Variants in GLIS3 observed in about 807,000 individuals in gnomAD.
The protein encoded by GLIS3 is GLIS family zinc finger 3, also known as zinc finger protein GLIS3.
Under a neutral mutation model 78.6 loss-of-function variants are expected in GLIS3, and 53 were observed. The ratio of observed to expected loss-of-function variants is 0.67; its 90% CI spans 0.54 to 0.85. The LOEUF (loss-of-function observed/expected upper bound fraction) is 0.85. Ranked by LOEUF, GLIS3 falls within the 40% of genes least tolerant of loss-of-function variation. GLIS3 has a pLI of 0.00. For missense variants in GLIS3, 1,703 were observed against 1,231.1 expected, an observed-to-expected ratio of 1.38 and a Z score of -5.74; for synonymous variants, 684 against 509.9, an observed-to-expected ratio of 1.34 and a Z score of -4.60.
chr9:3,942,543 G>A (rs1816003906), intron 4 of GLIS3, among the ~76,000 whole-genome samples: 1 of 152,236 alleles, frequency 6.6e-6, no homozygotes, highest in Non-Finnish European at 1.5e-5. Context: ...GTAAGTGAAA[G>A]ATTACTTCTG....
At chr9:4,474,961 C>T in the GLIS3 span, among the ~76,000 whole-genome samples, 1 of 142,126 alleles carries the variant, frequency 7.0e-6, no homozygotes. Flanking sequence ...TTAAAGGAAA[C>T]TTTTCATAAA....
chr9:4,244,514 CT>C (rs1192929489), intron 2 of GLIS3, among the ~76,000 whole-genome samples: 2 of 152,040 alleles, frequency 1.3e-5, no homozygotes, highest in Non-Finnish European at 2.9e-5. Context: ...AGGTGAACTG[CT>C]TTTTTAAAAC....
chr9:3,954,469 T>C (rs1816954184), intron 4 of GLIS3, among the ~76,000 whole-genome samples: 2 of 152,312 alleles, frequency 1.3e-5, no homozygotes, highest in South Asian at 2.1e-4. Flanking sequence ...TAAAGAGAAA[T>C]GATTACAGAA....
Position 4,041,617 on chromosome 9 carries a change from T to C in GLIS3, c.1710+76151A>G, listed in dbSNP as rs190971234. Among the ~76,000 whole-genome samples, 479 of 152,320 alleles carry C rather than the reference T, an allele frequency of 3.1e-3. 1 individual carries two copies. Among genetic ancestry groups the C allele is most frequent in the African/African-American group, 0.011 (453 of 41,580 alleles). On this transcript the variant is annotated intron_variant, in intron 4 of 10. Coordinates refer to ENST00000381971, the MANE Select transcript of GLIS3 (RefSeq NM_001042413.2). ...TTTCCTAATCAGTATGGTTCTTGTT[T>C]GCCTATGCTCTGTGAGACAAAGTAA...
intron 2 of GLIS3, among the ~76,000 whole-genome samples, chr9:4,133,317 G>A (rs1833114136): frequency 6.6e-6 from 1 of 152,112 alleles, no homozygotes; most frequent in Non-Finnish European, 1.5e-5. Flanking sequence ...TGTAACTTAT[G>A]GAACAATTGT....
At chr9:4,432,165 A>G in the GLIS3 span, among the ~76,000 whole-genome samples, 1 of 152,210 alleles carries the variant, frequency 6.6e-6, no homozygotes, top group African/African-American at 2.4e-5. Flanking sequence ...TAATTTCATG[A>G]TGATTATGCT....
At chr9:3,893,309 A>C (rs1024952632) in intron 7 of GLIS3, among the ~76,000 whole-genome samples, 31 of 152,200 alleles carry the variant, frequency 2.0e-4, no homozygotes, top group African/African-American at 7.5e-4. Context: ...TGAAAAACTA[A>C]CATGAATACA....
chr9:4,257,622 G>A (rs937822995), intron 2 of GLIS3, among the ~76,000 whole-genome samples: 10 of 145,594 alleles, frequency 6.9e-5, no homozygotes, highest in African/African-American at 1.0e-4. Flanking sequence ...CGCCCAGGTT[G>A]GAGTGCACTG....
intron 4 of GLIS3, chr9:4,305,692 A>C (rs1817209885): frequency 6.6e-6 from 1 of 152,210 alleles, no homozygotes; most frequent in Admixed American, 6.5e-5. Context: ...ATAGCTTCTG[A>C]GGAAGGTAGC....
intron 6 of GLIS3, among the ~76,000 whole-genome samples, chr9:3,905,614 A>C (rs1338611660): frequency 1.3e-5 from 2 of 152,004 alleles, no homozygotes; most frequent in African/African-American, 4.8e-5. Flanking sequence ...TTTGCATCCT[A>C]AGCACACACA....
rs1411066331 is a variant in GLIS3 at position 4,118,415 on chromosome 9, G to A, written c.1063C>T (p.Arg355Cys). Reference sequence around the variant, plus strand: ...CGCGGCTGGGGAATGCAGCTGCCGCGCACGCCCAGGAAATGCCCGTAGACC... The same window carrying A: ...CGCGGCTGGGGAATGCAGCTGCCGCACACGCCCAGGAAATGCCCGTAGACC... ...PEVYGHFLGV[R>C]GSCIPQPRPV... Residue 355 changes from arginine to cysteine, a missense_variant, in exon 4 of 11, where the codon CGC (arginine) becomes TGC (cysteine). Coordinates refer to ENST00000381971, the MANE Select transcript of GLIS3 (RefSeq NM_001042413.2). The surrounding 1 kb of genome is among the most constrained non-coding windows in gnomAD (Gnocchi z 4.7). The A allele has an allele frequency of 3.1e-6, 5 of 1,608,530 alleles. No homozygotes were observed. The highest frequency in any genetic ancestry group is 3.3e-5 in the Admixed American group (2 of 59,922).
chr9:4,010,332 ACAT>A, intron 4 of GLIS3, among the ~76,000 whole-genome samples: 1 of 152,306 alleles, frequency 6.6e-6, no homozygotes, highest in Non-Finnish European at 1.5e-5. Flanking sequence ...GAAGATGATA[ACAT>A]CAATCACTTT....
chr9:4,019,785 T>G (rs1563954372), intron 4 of GLIS3, among the ~76,000 whole-genome samples: 1 of 152,106 alleles, frequency 6.6e-6, no homozygotes, highest in African/African-American at 2.4e-5. Context: ...CAGGCTAGAG[T>G]GCAGTGGGGC....
chr9:4,279,970 T>C (rs960160251), intron 2 of GLIS3, among the ~76,000 whole-genome samples: 4 of 151,942 alleles, frequency 2.6e-5, no homozygotes, highest in African/African-American at 9.7e-5. Context: ...ATATTAATAA[T>C]GTAAGTAGAA....
At chr9:4,257,459 G>A (rs1825072026) in intron 2 of GLIS3, among the ~76,000 whole-genome samples, 1 of 152,162 alleles carries the variant, frequency 6.6e-6, no homozygotes, top group East Asian at 1.9e-4. Flanking sequence ...ATTTGGCAAG[G>A]GAATAGATTT....
rs140871927 is a variant in GLIS3 at position 4,140,850 on chromosome 9, G to GT, written c.389-14910dup. ...TTTTGCTCTTATTGCCCAGATTGGA[G>GT]TGCAGTGGCACAATCTCAGCTCACT... On this transcript the variant is annotated intron_variant, in intron 2 of 10. Coordinates refer to ENST00000381971, the MANE Select transcript of GLIS3 (RefSeq NM_001042413.2). Among the ~76,000 whole-genome samples the GT allele has an allele frequency of 6.9e-3, 1,047 of 150,890 alleles. 16 individuals are homozygous for GT. Among genetic ancestry groups the GT allele is most frequent in the African/African-American group, 0.025 (1,019 of 41,030 alleles).
the GLIS3 span, among the ~76,000 whole-genome samples, chr9:4,374,899 G>C: frequency 3.3e-5 from 5 of 152,240 alleles, no homozygotes; most frequent in Middle Eastern, 3.4e-3. Context: ...TTTTCCACCT[G>C]ACAACTCATC....
intron 2 of GLIS3, among the ~76,000 whole-genome samples, chr9:4,321,461 A>AAAAAAAAAAAAAAC (rs1563932116): frequency 7.1e-6 from 1 of 140,920 alleles, no homozygotes; most frequent in Non-Finnish European, 1.5e-5. Flanking sequence ...AAAAAAAAAA[A>AAAAAAAAAAAAAAC]AATCAGGTGC....
At chr9:3,928,066 C>T (rs1825370697) in intron 6 of GLIS3, among the ~76,000 whole-genome samples, 1 of 152,138 alleles carries the variant, frequency 6.6e-6, no homozygotes, top group African/African-American at 2.4e-5. Context: ...GCATCATCAA[C>T]AATGATTAAA....
Sources: allele counts gnomAD v4.1 joint callset (sites outside exome capture counted in the v4.1 genomes callset), GRCh38; gene constraint gnomAD v4.1.1; non-coding constraint Gnocchi (gnomAD v3.1); transcripts MANE v1.5; gene names NCBI Gene and HGNC (gene_info 2026-07-23, HGNC 2026-07-21).